USP54: variants seen among roughly 807,000 people sequenced by gnomAD.
USP54 encodes the protein ubiquitin carboxyl-terminal hydrolase 54.
USP54 carries 87 observed loss-of-function variants against 170.5 expected under a neutral mutation model. The observed-to-expected ratio is 0.51, with a 90% CI of 0.43 to 0.61. The LOEUF is 0.61. Ranked by LOEUF, USP54 falls within the 20% of genes least tolerant of loss-of-function variation. The probability of loss-of-function intolerance (pLI) is 0.00; values close to 1 mark genes in which losing one functional copy is unlikely to be tolerated. For synonymous variants in USP54, 655 were observed against 742.8 expected (o/e 0.88, Z 1.92); for missense variants, 1,786 against 2,047.8 (o/e 0.87, Z 2.47).
intron 20 of USP54, chr10:73,505,844 C>T (rs11000695): frequency 0.28 from 43,189 of 152,094 alleles, 11,447 homozygotes; most frequent in African/African-American, 0.69. Flanking sequence ...CACTCCAGCC[C>T]GGGTGACAGA....
intron 1 of USP54, among the ~76,000 whole-genome samples, chr10:73,621,546 G>A (rs1564972013): frequency 1.4e-5 from 2 of 143,704 alleles, no homozygotes; most frequent in Non-Finnish European, 3.0e-5. Context: ...CTTGCAGTGA[G>A]CCAAGATTGC....
chr10:73,616,631 T>C (rs2132337624), intron 1 of USP54, among the ~76,000 whole-genome samples: 1 of 150,158 alleles, frequency 6.7e-6, no homozygotes, highest in African/African-American at 2.5e-5. Context: ...TGCATGTGTA[T>C]CCAGGAACTT....
chr10:73,505,261 C>G, intron 21 of USP54, 47 bp downstream of exon 21: 1 of 1,564,568 alleles, frequency 6.4e-7, no homozygotes, highest in Non-Finnish European at 8.7e-7. Context: ...AATTCCTTCC[C>G]CAACACACCA....
intron 1 of USP54, among the ~76,000 whole-genome samples, chr10:73,610,345 A>C (rs2080039564): frequency 6.6e-6 from 1 of 152,158 alleles, no homozygotes; most frequent in Admixed American, 6.6e-5. Flanking sequence ...GGCCAGGCAC[A>C]GCGGCTCACA....
chr10:73,532,001 A>G (rs1244469357), intron 12 of USP54, among the ~76,000 whole-genome samples: 1 of 152,236 alleles, frequency 6.6e-6, no homozygotes, highest in Non-Finnish European at 1.5e-5. Flanking sequence ...TTGTTTTCAC[A>G]TGATAGCATA....
chr10:73,529,599 C>T, intron 15 of USP54, 81 bp downstream of exon 15: 1 of 1,509,936 alleles, frequency 6.6e-7, no homozygotes, highest in Non-Finnish European at 9.2e-7. Flanking sequence ...CTCCACTTGT[C>T]TCAGCCATGC....
rs2065144516 is a variant in USP54 at position 73,536,065 on chromosome 10, T to G, written c.1144+204A>C. On this transcript the variant is annotated intron_variant, in intron 11 of 23. Coordinates refer to ENST00000687698, the MANE Select transcript of USP54 (RefSeq NM_001391956.1). ...CACTTCTGAGTTGAGGCCAAGTGAT[T>G]TAGGCAACACTGTTTTGACAACTGA... 9 of 630,748 alleles carry G rather than the reference T, an allele frequency of 1.4e-5. No homozygotes were observed. In the South Asian group the frequency reaches 1.5e-4, roughly 11 times the overall value. The allele number at this position is 630,748 out of a possible 1,614,324, so 39.1% of individuals were successfully genotyped here.
chr10:73,575,462 A>G (rs1181477352), intron 3 of USP54, 50 bp downstream of exon 3: 2 of 1,525,246 alleles, frequency 1.3e-6, no homozygotes, highest in Non-Finnish European at 1.8e-6. Flanking sequence ...GAAATACAGC[A>G]TCAGCAATTA....
intron 4 of USP54, among the ~76,000 whole-genome samples, chr10:73,565,055 C>T (rs1251838772): frequency 6.6e-6 from 1 of 151,932 alleles, no homozygotes; most frequent in Non-Finnish European, 1.5e-5. Flanking sequence ...GGCTGGGTGA[C>T]AGAGCAAGAT....
chr10:73,536,545 T>C lies in USP54; in HGVS notation c.976-108A>G, dbSNP rs547094564. 9.9e-4 allele frequency: 1,290 copies of C among 1,298,526 alleles called. 3 individuals are homozygous for C. The highest frequency in any genetic ancestry group is 5.6e-3 in the Middle Eastern group (28 of 4,976). 80.4% of individuals were successfully genotyped at this position (1,298,526 alleles called of 1,614,324 possible). A position where few individuals can be genotyped will look rare whatever the true frequency, so the allele number is the denominator to read the frequency against. Reference sequence around the variant, plus strand: ...AAAGAAAATAAAAGAGATGAAAAGATAAGAATTGGGTAAAAAGGCAGCAAA... The same window carrying C: ...AAAGAAAATAAAAGAGATGAAAAGACAAGAATTGGGTAAAAAGGCAGCAAA... On this transcript the variant is annotated intron_variant, in intron 10 of 23. Transcript: ENST00000687698.
At chr10:73,578,441 TCTCACTGTCACCC>T (rs2076408974) in intron 1 of USP54, among the ~76,000 whole-genome samples, 1 of 152,144 alleles carries the variant, frequency 6.6e-6, no homozygotes, top group Admixed American at 6.6e-5. Flanking sequence ...TGAGGCAGAA[TCTCACTGTCACCC>T]AGGCTGGAGT....
intron 9 of USP54, among the ~76,000 whole-genome samples, chr10:73,540,909 C>T (rs2066487126): frequency 6.6e-6 from 1 of 152,202 alleles, no homozygotes; most frequent in African/African-American, 2.4e-5. Flanking sequence ...TTATCCCAGA[C>T]ATTAGTTCCA....
chr10:73,616,260 C>G (rs2080623854), intron 1 of USP54, among the ~76,000 whole-genome samples: 1 of 145,592 alleles, frequency 6.9e-6, no homozygotes, highest in Admixed American at 6.8e-5. Context: ...ACTGCTTGAG[C>G]CCAGGAGGCA....
intron 1 of USP54, among the ~76,000 whole-genome samples, chr10:73,603,361 T>C (rs748437136): frequency 5.3e-5 from 8 of 152,112 alleles, no homozygotes; most frequent in Non-Finnish European, 1.2e-4. Flanking sequence ...GGACAACCCA[T>C]GAGATGGGAG....
chr10:73,545,564 T>C lies in USP54; in HGVS notation c.349A>G (p.Ile117Val). The change falls in exon 5 of 24, where the codon ATT becomes GTT. Residue 117 changes from isoleucine to valine, a missense_variant. Around this residue, in one of 3 missense-constraint regions of USP54, gnomAD observed 361 missense variants for 455.0 expected, o/e 0.79. Coordinates refer to ENST00000687698, the MANE Select transcript of USP54 (RefSeq NM_001391956.1). ...AAGCACTCTGCAGCATCATCCATAATTCCCAGCTGGAAACGTTGTTCATCC... is the reference window on the plus strand; with the variant it reads ...AAGCACTCTGCAGCATCATCCATAACTCCCAGCTGGAAACGTTGTTCATCC... ...FQDEQRFQLG[I>V]MDDAAECFEN... 1 of 1,614,086 alleles carries C rather than the reference T, an allele frequency of 6.2e-7. No individual in the cohort carries two copies. The highest frequency in any genetic ancestry group is 8.5e-7 in the Non-Finnish European group (1 of 1,179,952).
intron 20 of USP54, among the ~76,000 whole-genome samples, chr10:73,515,179 C>G (rs549651817): frequency 1.8e-4 from 28 of 152,238 alleles, no homozygotes; most frequent in Admixed American, 9.8e-4. Context: ...TGCAAGGAAC[C>G]TGCACCATTA....
Position 73,500,772 on chromosome 10 carries a change from C to G in USP54, c.4378G>C (p.Val1460Leu). The change falls in exon 23 of 24, where the codon GTC (valine) becomes CTC (leucine). Residue 1460 changes from valine (V) to leucine (L), a missense_variant. By Grantham distance (32) the Val-to-Leu change is conservative (BLOSUM62 1). Transcript: ENST00000687698. ...AGAAACACAGAAGGGTCATGGATGA[C>G]AGGGAGGGAAGAGGAGCTGGAACAA... ...HRCSSSSSLPVIHDPSVFLLG... is the reference protein window; with the variant it reads ...HRCSSSSSLPLIHDPSVFLLG... 6.2e-7 allele frequency: 1 copy of G among 1,600,866 alleles called. No individual in the cohort carries two copies. Among genetic ancestry groups the G allele is most frequent in the East Asian group, 2.3e-5 (1 of 43,738 alleles).
intron 1 of USP54, among the ~76,000 whole-genome samples, chr10:73,613,437 C>T (rs1452707534): frequency 6.7e-6 from 1 of 150,310 alleles, no homozygotes; most frequent in Non-Finnish European, 1.5e-5. Flanking sequence ...CGCACCCGGC[C>T]TACCACCATT....
At chr10:73,531,228 T>A (rs972823210) in intron 12 of USP54, among the ~76,000 whole-genome samples, 1 of 151,234 alleles carries the variant, frequency 6.6e-6, no homozygotes, top group Non-Finnish European at 1.5e-5. Context: ...ACCCAGGAGG[T>A]TGCAGTGAGC....
Sources: allele counts gnomAD v4.1 joint callset (sites outside exome capture counted in the v4.1 genomes callset), GRCh38; gene constraint gnomAD v4.1.1; regional missense constraint gnomAD v4.1.1; transcripts MANE v1.5; gene names NCBI Gene and HGNC (gene_info 2026-07-23, HGNC 2026-07-21).